The following MYRIP variants were observed in gnomAD, a reference collection of about 807,000 sequenced individuals.
The protein encoded by MYRIP is rab effector MyRIP.
Under a neutral mutation model 98.0 loss-of-function variants are expected in MYRIP, and 49 were observed. The observed-to-expected ratio is 0.50, with a 90% CI of 0.40 to 0.63. The LOEUF is 0.63. MYRIP is among the 30% of genes least tolerant of loss of function. MYRIP has a pLI of 0.00. For synonymous variants in MYRIP, 404 were observed against 409.5 expected (o/e 0.99, Z 0.16); for missense variants, 1,004 against 1,058.2 (o/e 0.95, Z 0.71).
intron 12 of MYRIP, among the ~76,000 whole-genome samples, chr3:40,244,187 T>C (rs1953111611): frequency 6.6e-6 from 1 of 152,238 alleles, no homozygotes; most frequent in Non-Finnish European, 1.5e-5. Flanking sequence ...TTTTGTACTA[T>C]TTGAACAAAA....
chr3:39,841,946 T>C (rs1266717104), intron 1 of MYRIP, among the ~76,000 whole-genome samples: 1 of 152,168 alleles, frequency 6.6e-6, no homozygotes, highest in East Asian at 1.9e-4. Context: ...AGGGACCCAC[T>C]TGAGGAGGCA....
intron 1 of MYRIP, among the ~76,000 whole-genome samples, chr3:39,843,610 G>A (rs1185777672): frequency 6.6e-6 from 1 of 152,166 alleles, no homozygotes; most frequent in Non-Finnish European, 1.5e-5. Flanking sequence ...TGGCCAAATT[G>A]CTGTAAAATG....
intron 10 of MYRIP, among the ~76,000 whole-genome samples, chr3:40,198,935 A>G (rs910187220): frequency 2.6e-5 from 4 of 152,246 alleles, no homozygotes; most frequent in African/African-American, 9.6e-5. Flanking sequence ...AAATAAAAAC[A>G]TAACGATGAA....
chr3:40,050,254 G>T (rs185852012), intron 3 of MYRIP, among the ~76,000 whole-genome samples: 1 of 152,266 alleles, frequency 6.6e-6, no homozygotes, highest in Non-Finnish European at 1.5e-5. Context: ...AGAACAGGCT[G>T]TCTTGTTAGG....
chr3:40,035,023 T>G (rs1575483066), intron 2 of MYRIP, among the ~76,000 whole-genome samples: 1 of 128,926 alleles, frequency 7.8e-6, no homozygotes, highest in East Asian at 2.3e-4. Flanking sequence ...AATTGAACAA[T>G]GAGAACACAT....
At chr3:39,815,887 G>GTTT (rs11293642) in intron 1 of MYRIP, among the ~76,000 whole-genome samples, 15 of 134,000 alleles carry the variant, frequency 1.1e-4, no homozygotes, top group Admixed American at 5.8e-4. Context: ...TTCTAATAGC[G>GTTT]TTTTTTTTTT....
chr3:40,213,508 A>G (rs1469169128), intron 11 of MYRIP, among the ~76,000 whole-genome samples: 1 of 152,114 alleles, frequency 6.6e-6, no homozygotes. Context: ...TGCTATGCAG[A>G]GTGTAAGTGT....
At chr3:40,107,185 T>G (rs1031979560) in intron 3 of MYRIP, among the ~76,000 whole-genome samples, 1 of 152,242 alleles carries the variant, frequency 6.6e-6, no homozygotes, top group Non-Finnish European at 1.5e-5. Context: ...ATTGAATACC[T>G]GCTGGGGACC....
At chr3:40,098,880 AG>A (rs894853676) in intron 3 of MYRIP, among the ~76,000 whole-genome samples, 7 of 139,632 alleles carry the variant, frequency 5.0e-5, no homozygotes, top group Non-Finnish European at 1.1e-4. Flanking sequence ...AGCTATCTCC[AG>A]GCATATATTA....
chr3:39,929,894 C>T (rs775930953), intron 2 of MYRIP, among the ~76,000 whole-genome samples: 26 of 151,898 alleles, frequency 1.7e-4, no homozygotes, highest in Non-Finnish European at 3.2e-4. Context: ...CCATGTTAAG[C>T]GTGTATCAGT....
At chr3:39,945,967 A>G (rs751204581) in intron 2 of MYRIP, among the ~76,000 whole-genome samples, 4 of 151,640 alleles carry the variant, frequency 2.6e-5, no homozygotes, top group Non-Finnish European at 5.9e-5. Flanking sequence ...ATGGTGATTG[A>G]GAAAATAGGA....
chr3:39,917,866 C>T (rs1944200896), intron 2 of MYRIP, among the ~76,000 whole-genome samples: 1 of 151,914 alleles, frequency 6.6e-6, no homozygotes, highest in South Asian at 2.1e-4. Flanking sequence ...TTAAACTTTC[C>T]AAACTTTATC....
intron 8 of MYRIP, among the ~76,000 whole-genome samples, 179 bp from the exon 9 acceptor site, chr3:40,182,041 A>G (rs1435050085): frequency 3.3e-5 from 5 of 152,224 alleles, no homozygotes; most frequent in African/African-American, 7.2e-5. Context: ...TTGCAAGGGA[A>G]TAAACATTTA....
chr3:40,031,555 G>A (rs999272237), intron 2 of MYRIP, among the ~76,000 whole-genome samples: 5 of 152,118 alleles, frequency 3.3e-5, no homozygotes, highest in Non-Finnish European at 5.9e-5. Flanking sequence ...TTGAAGGGCT[G>A]TACTCTTAGT....
intron 4 of MYRIP, 46 bp downstream of exon 4, chr3:40,151,230 G>A (rs756460481): frequency 6.5e-7 from 1 of 1,548,422 alleles, no homozygotes; most frequent in Non-Finnish European, 8.8e-7. Flanking sequence ...TGGGCTGGTG[G>A]GTAGAAGGCC....
At chr3:39,999,911 C>T (rs1038278779) in intron 2 of MYRIP, among the ~76,000 whole-genome samples, 3 of 151,514 alleles carry the variant, frequency 2.0e-5, no homozygotes, top group Non-Finnish European at 2.9e-5. Flanking sequence ...TCATTCTCAG[C>T]AAACTATCGC....
At chr3:40,004,933 C>T (rs1159019469) in intron 2 of MYRIP, among the ~76,000 whole-genome samples, 2 of 152,004 alleles carry the variant, frequency 1.3e-5, no homozygotes, top group African/African-American at 4.8e-5. Context: ...AACCCTTGCC[C>T]CCTCCCTCCT....
chr3:40,016,898 G>C (rs914843958), intron 2 of MYRIP, among the ~76,000 whole-genome samples: 1 of 152,142 alleles, frequency 6.6e-6, no homozygotes, highest in African/African-American at 2.4e-5. Flanking sequence ...TGCTGGGCAG[G>C]GCCAGGTGTT....
chr3:39,833,389 C>T (rs2125586732), intron 1 of MYRIP, among the ~76,000 whole-genome samples: 1 of 152,256 alleles, frequency 6.6e-6, no homozygotes, highest in Admixed American at 6.5e-5. Context: ...TAGGCTCTTT[C>T]TGGTGCCTAC....
Sources: gnomAD v4.1 joint callset for allele counts (sites outside exome capture counted in the v4.1 genomes callset) on GRCh38, gnomAD v4.1.1 for gene constraint, MANE v1.5 for transcripts, NCBI Gene and HGNC (gene_info 2026-07-23, HGNC 2026-07-21) for gene names.